The following PDZRN3 variants were observed in gnomAD, a reference collection of about 807,000 sequenced individuals.
The protein encoded by PDZRN3 is E3 ubiquitin-protein ligase PDZRN3.
PDZRN3 carries 38 observed loss-of-function variants against 85.7 expected under a neutral mutation model. The observed-to-expected ratio is 0.44, with a 90% CI of 0.34 to 0.58. PDZRN3 has a LOEUF of 0.58. PDZRN3 is among the 20% of genes least tolerant of loss of function. The pLI, the probability that PDZRN3 is intolerant of heterozygous loss-of-function variation, is 0.01. For synonymous variants in PDZRN3, 759 were observed against 638.0 expected (o/e 1.19, Z -2.86); for missense variants, 1,629 against 1,506.4 (o/e 1.08, Z -1.35).
intron 3 of PDZRN3, among the ~76,000 whole-genome samples, chr3:73,528,554 C>A (rs1045622831): frequency 6.6e-6 from 1 of 151,988 alleles, no homozygotes; most frequent in African/African-American, 2.4e-5. Flanking sequence ...TATGCGATTA[C>A]GAAGTAATAA....
intron 3 of PDZRN3, among the ~76,000 whole-genome samples, chr3:73,469,890 T>A (rs913190704): frequency 2.6e-5 from 4 of 152,242 alleles, no homozygotes; most frequent in African/African-American, 9.6e-5. Flanking sequence ...ACTTCAGCCC[T>A]GTTGACATCT....
chr3:73,581,978 TGGTACCA>T (rs1489126757), intron 3 of PDZRN3, among the ~76,000 whole-genome samples: 9 of 55,928 alleles, frequency 1.6e-4, no homozygotes, highest in Non-Finnish European at 3.3e-4. Flanking sequence ...CACGTGCCTG[TGGTACCA>T]GCTACCCAGG....
At chr3:73,564,032 C>T (rs950941728) in intron 3 of PDZRN3, among the ~76,000 whole-genome samples, 1 of 152,156 alleles carries the variant, frequency 6.6e-6, no homozygotes, top group Non-Finnish European at 1.5e-5. Flanking sequence ...GCTGTGAGCA[C>T]GGTTGCTGGT....
chr3:73,594,912 T>C (rs1316877273), intron 3 of PDZRN3, among the ~76,000 whole-genome samples: 2 of 152,276 alleles, frequency 1.3e-5, no homozygotes, highest in Middle Eastern at 3.4e-3. Context: ...CAAATGACAA[T>C]GCAATAGTTC....
chr3:73,441,796 C>G (rs1398817982), intron 3 of PDZRN3, among the ~76,000 whole-genome samples: 1 of 152,194 alleles, frequency 6.6e-6, no homozygotes, highest in Non-Finnish European at 1.5e-5. Context: ...AGAAAACAAT[C>G]CAGGAAACAC....
intron 3 of PDZRN3, among the ~76,000 whole-genome samples, chr3:73,432,365 T>C (rs533554311): frequency 1.3e-5 from 2 of 152,352 alleles, no homozygotes; most frequent in Non-Finnish European, 2.9e-5. Flanking sequence ...AAGTCCTGAG[T>C]GTGAAGTCAC....
Position 73,552,649 on chromosome 3 carries a change from G to A in PDZRN3, c.918+49705C>T, listed in dbSNP as rs1701590685. On this transcript the variant is annotated intron_variant, in intron 3 of 9. Transcript: ENST00000263666. ...AATGTGATTAAAACATTACTGACAA[G>A]GCATCGCTATTTATGTTAGTGAATT... Among the ~76,000 whole-genome samples the A allele has an allele frequency of 2.0e-5, 3 of 152,102 alleles. No homozygotes were observed. In the South Asian group the frequency reaches 6.2e-4, roughly 32 times the overall value.
At chr3:73,386,427 C>G (rs760519328) in intron 8 of PDZRN3, among the ~76,000 whole-genome samples, 12 of 151,986 alleles carry the variant, frequency 7.9e-5, no homozygotes, top group Non-Finnish European at 1.3e-4. Flanking sequence ...ATCCTGACCT[C>G]AAGTGAACCT....
intron 3 of PDZRN3, among the ~76,000 whole-genome samples, chr3:73,503,502 C>T (rs574659488): frequency 9.2e-5 from 14 of 152,144 alleles, no homozygotes; most frequent in Non-Finnish European, 8.8e-5. Flanking sequence ...TTTCTTTATC[C>T]GTAAAGCTTT....
chr3:73,429,919 A>G (rs1702396631), intron 3 of PDZRN3, among the ~76,000 whole-genome samples: 1 of 152,190 alleles, frequency 6.6e-6, no homozygotes, highest in Non-Finnish European at 1.5e-5. Context: ...CTTTCTCAGG[A>G]GGTACCACGT....
At chr3:73,591,841 T>C (rs1294707677) in intron 3 of PDZRN3, among the ~76,000 whole-genome samples, 1 of 152,220 alleles carries the variant, frequency 6.6e-6, no homozygotes, top group African/African-American at 2.4e-5. Flanking sequence ...AACCTCTGCA[T>C]ATACTGGCTG....
chr3:73,499,740 G>A (rs578097185), intron 3 of PDZRN3, among the ~76,000 whole-genome samples: 1 of 152,252 alleles, frequency 6.6e-6, no homozygotes, highest in East Asian at 1.9e-4. Flanking sequence ...AGGGGATCTG[G>A]GGAAGCTTCC....
At chr3:73,609,903 G>A (rs568316097) in intron 1 of PDZRN3, among the ~76,000 whole-genome samples, 50 of 152,304 alleles carry the variant, frequency 3.3e-4, no homozygotes, top group East Asian at 1.9e-3. Context: ...TTCATTTATT[G>A]CTATGGCTGT....
intron 3 of PDZRN3, among the ~76,000 whole-genome samples, chr3:73,589,539 T>C (rs1702324593): frequency 1.3e-5 from 2 of 152,216 alleles, no homozygotes; most frequent in African/African-American, 4.8e-5. Flanking sequence ...CTGGTAAGTT[T>C]AATAGATGAG....
intron 3 of PDZRN3, among the ~76,000 whole-genome samples, chr3:73,551,005 G>A (rs757206011): frequency 5.9e-5 from 9 of 152,204 alleles, no homozygotes; most frequent in Non-Finnish European, 1.2e-4. Context: ...AACGCTGGAT[G>A]CTTTCAGGGA....
chr3:73,500,608 C>T (rs952184494), intron 3 of PDZRN3, among the ~76,000 whole-genome samples: 8 of 152,116 alleles, frequency 5.3e-5, no homozygotes, highest in African/African-American at 1.7e-4. Flanking sequence ...CCCAACAATG[C>T]CTTCTTGTTC....
At chr3:73,438,281 A>G (rs1008548916) in intron 3 of PDZRN3, among the ~76,000 whole-genome samples, 15 of 152,388 alleles carry the variant, frequency 9.8e-5, no homozygotes, top group South Asian at 4.1e-4. Context: ...TTGAACTTCC[A>G]TAAGTCATCA....
chr3:73,583,326 G>A (rs953328435), intron 3 of PDZRN3, among the ~76,000 whole-genome samples: 1 of 152,180 alleles, frequency 6.6e-6, no homozygotes, highest in Non-Finnish European at 1.5e-5. Flanking sequence ...TCAATGCTAC[G>A]ACTGAGGTAG....
intron 3 of PDZRN3, among the ~76,000 whole-genome samples, chr3:73,509,832 C>CG (rs1704132638): frequency 6.6e-6 from 1 of 152,198 alleles, no homozygotes; most frequent in Non-Finnish European, 1.5e-5. Flanking sequence ...CACGGGCGGG[C>CG]GGCTCTTCTC....
Sources: gnomAD v4.1 joint callset for allele counts (sites outside exome capture counted in the v4.1 genomes callset) on GRCh38, gnomAD v4.1.1 for gene constraint, MANE v1.5 for transcripts, NCBI Gene and HGNC (gene_info 2026-07-23, HGNC 2026-07-21) for gene names.